Variants in VTI1A observed in about 807,000 individuals in gnomAD.
VTI1A encodes vesicle transport through interaction with t-SNAREs 1A.
Under a neutral mutation model 34.9 loss-of-function variants are expected in VTI1A, and 22 were observed. That is an observed-to-expected ratio of 0.63 (90% confidence interval 0.45 to 0.90). The LOEUF (loss-of-function observed/expected upper bound fraction) is 0.90. Ranked by LOEUF, VTI1A falls within the 40% of genes least tolerant of loss-of-function variation. The probability of loss-of-function intolerance (pLI) is 0.00; values close to 1 mark genes in which losing one functional copy is unlikely to be tolerated. For synonymous variants in VTI1A, 87 were observed against 97.3 expected (o/e 0.89, Z 0.62); for missense variants, 268 against 275.6 (o/e 0.97, Z 0.20).
At chr10:112,836,149 G>A in the VTI1A span, among the ~76,000 whole-genome samples, 11 of 152,152 alleles carry the variant, frequency 7.2e-5, no homozygotes, top group South Asian at 2.1e-4. Flanking sequence ...CAGCCGAGGC[G>A]GCAGTCACCT....
chr10:112,538,856 A>G (rs892341703), intron 5 of VTI1A, among the ~76,000 whole-genome samples: 2 of 152,208 alleles, frequency 1.3e-5, no homozygotes, highest in Non-Finnish European at 2.9e-5. Flanking sequence ...GAAAATTATG[A>G]AAAAGTCATA....
At chr10:112,627,936 C>T (rs1157265086) in intron 5 of VTI1A, among the ~76,000 whole-genome samples, 1 of 152,140 alleles carries the variant, frequency 6.6e-6, no homozygotes, top group Admixed American at 6.6e-5. Flanking sequence ...CAGGGCAAGA[C>T]TCTGAGGGAT....
At chr10:112,531,790 C>T (rs1470946278) in intron 4 of VTI1A, among the ~76,000 whole-genome samples, 2 of 152,166 alleles carry the variant, frequency 1.3e-5, no homozygotes, top group Non-Finnish European at 2.9e-5. Context: ...ATTCCCAGAT[C>T]GTCTCTTTCT....
intron 7 of VTI1A, among the ~76,000 whole-genome samples, chr10:112,702,231 A>G (rs966410384): frequency 4.6e-5 from 7 of 152,180 alleles, no homozygotes; most frequent in African/African-American, 1.7e-4. Context: ...ATTTTGGTGA[A>G]AGCTAAAGCC....
chr10:112,597,900 C>G (rs1020919986), intron 5 of VTI1A, among the ~76,000 whole-genome samples: 1 of 150,316 alleles, frequency 6.7e-6, no homozygotes, highest in South Asian at 2.1e-4. Context: ...GGTTTCACCG[C>G]GTTAGCCAGG....
At chr10:112,649,848 G>A (rs1420493586) in intron 5 of VTI1A, among the ~76,000 whole-genome samples, 1 of 152,122 alleles carries the variant, frequency 6.6e-6, no homozygotes, top group Non-Finnish European at 1.5e-5. Context: ...TATTTAAACA[G>A]TAAAAATATG....
At chr10:112,706,208 C>T (rs1018409730) in intron 7 of VTI1A, among the ~76,000 whole-genome samples, 2 of 152,184 alleles carry the variant, frequency 1.3e-5, no homozygotes, top group Non-Finnish European at 2.9e-5. Flanking sequence ...TTGCCACCTC[C>T]TGAGAACATG....
At chr10:112,715,807 C>G (rs1434641292) in intron 7 of VTI1A, among the ~76,000 whole-genome samples, 2 of 152,212 alleles carry the variant, frequency 1.3e-5, no homozygotes, top group African/African-American at 4.8e-5. Context: ...ATCCTGAAAT[C>G]ATTTTAGTTC....
the VTI1A span, among the ~76,000 whole-genome samples, chr10:112,847,158 C>T: frequency 6.6e-6 from 1 of 152,166 alleles, no homozygotes; most frequent in Non-Finnish European, 1.5e-5. Flanking sequence ...TTATTTCCTT[C>T]AAATTATGTT....
chr10:112,783,126 T>C (rs545231523), intron 7 of VTI1A, among the ~76,000 whole-genome samples: 5 of 152,264 alleles, frequency 3.3e-5, no homozygotes, highest in African/African-American at 1.2e-4. Context: ...CAAAAACATA[T>C]ATACATTGAA....
At chr10:112,716,041 G>A (rs1231481748) in intron 7 of VTI1A, among the ~76,000 whole-genome samples, 1 of 152,132 alleles carries the variant, frequency 6.6e-6, no homozygotes, top group African/African-American at 2.4e-5. Context: ...AGCTGGGAGC[G>A]GACCCCTAGA....
intron 7 of VTI1A, chr10:112,736,615 G>A (rs1347591754): frequency 1.0e-5 from 15 of 1,496,068 alleles, no homozygotes; most frequent in Non-Finnish European, 1.3e-5. Context: ...AGAAACCAAA[G>A]CCTGCTGTTC....
intron 7 of VTI1A, among the ~76,000 whole-genome samples, chr10:112,713,014 G>A (rs943187799): frequency 1.3e-5 from 2 of 152,134 alleles, no homozygotes; most frequent in Non-Finnish European, 2.9e-5. Context: ...TGGATCTCCA[G>A]TTCCTGATAT....
At chr10:112,702,729 G>A (rs1590089383) in intron 7 of VTI1A, among the ~76,000 whole-genome samples, 1 of 152,322 alleles carries the variant, frequency 6.6e-6, no homozygotes, top group East Asian at 1.9e-4. Context: ...GGGATTACAG[G>A]CACATGCCAC....
chr10:112,533,166 C>G (rs941181606), intron 4 of VTI1A, among the ~76,000 whole-genome samples: 1 of 151,984 alleles, frequency 6.6e-6, no homozygotes, highest in African/African-American at 2.4e-5. Context: ...TATACAAAAC[C>G]TCTTCAATGG....
At chr10:112,751,173 C>G (rs774440396) in intron 7 of VTI1A, among the ~76,000 whole-genome samples, 7 of 152,076 alleles carry the variant, frequency 4.6e-5, no homozygotes, top group Non-Finnish European at 7.4e-5. Context: ...TGTGAAGTAC[C>G]TATCTTTTGA....
intron 3 of VTI1A, among the ~76,000 whole-genome samples, chr10:112,503,450 G>T (rs1159519209): frequency 6.6e-6 from 1 of 152,128 alleles, no homozygotes; most frequent in African/African-American, 2.4e-5. Flanking sequence ...TCTCACTTCT[G>T]AAAGAAAGCA....
intron 5 of VTI1A, among the ~76,000 whole-genome samples, chr10:112,581,056 G>A (rs1843909839): frequency 6.6e-6 from 1 of 152,086 alleles, no homozygotes; most frequent in African/African-American, 2.4e-5. Context: ...TAGTTCCTAG[G>A]AAGATCAACT....
chr10:112,640,536 G>T (rs2120929), intron 5 of VTI1A, among the ~76,000 whole-genome samples: 2 of 151,548 alleles, frequency 1.3e-5, no homozygotes, highest in Non-Finnish European at 2.9e-5. Flanking sequence ...AACAATCTGG[G>T]AAAAAAAACA....
Sources: gnomAD v4.1 joint callset for allele counts (sites outside exome capture counted in the v4.1 genomes callset) on GRCh38, gnomAD v4.1.1 for gene constraint, MANE v1.5 for transcripts, NCBI Gene and HGNC (gene_info 2026-07-23, HGNC 2026-07-21) for gene names.